The following TEX46 variants were observed in gnomAD, a reference collection of about 807,000 sequenced individuals.
TEX46 encodes testis expressed 46, also known as testis-expressed protein 46.
Under a neutral mutation model 5.3 loss-of-function variants are expected in TEX46, and 6 were observed. The ratio of observed to expected loss-of-function variants is 1.13; its 90% CI spans 0.62 to 2.23. The LOEUF (loss-of-function observed/expected upper bound fraction) is 2.23. Among genes scored for constraint, TEX46 ranks in the 30% most tolerant of loss-of-function variants. The probability of loss-of-function intolerance (pLI) is 0.00; values close to 1 mark genes in which losing one functional copy is unlikely to be tolerated. For missense variants in TEX46, 131 were observed against 150.9 expected (o/e 0.87, Z 0.69); for synonymous variants, 41 against 54.6 (o/e 0.75, Z 1.10).
At position 23,013,931 on chromosome 1, in the gene TEX46, G is replaced by T; in HGVS notation, c.117C>A (p.Asn39Lys). 6.5e-7 allele frequency: 1 copy of T among 1,536,116 alleles called. No individual in the cohort carries two copies. The highest frequency in any genetic ancestry group is 8.7e-7 in the Non-Finnish European group (1 of 1,146,896). Reference sequence around the variant, plus strand: ...GCTTGTGTTCATACTTGACCAACCAGTTGCTAAGCAACAGCAGAAGGAATA... The same window carrying T: ...GCTTGTGTTCATACTTGACCAACCATTTGCTAAGCAACAGCAGAAGGAATA... ...GFLFLLLLLS[N>K]WLVKYEHKLT... The change falls in exon 2 of 3, where the codon AAC becomes AAA. Residue 39 changes from asparagine (N) to lysine (K), a missense_variant. Transcript: ENST00000566855.
chr1:23,012,463 TATC>T (rs1641364834), intron 2 of TEX46, among the ~76,000 whole-genome samples: 1 of 151,584 alleles, frequency 6.6e-6, no homozygotes, highest in Non-Finnish European at 1.5e-5. Flanking sequence ...AGAAATAAAA[TATC>T]ATAAATATAA....
chr1:23,015,200 A>G (rs1277331229), intron 1 of TEX46, among the ~76,000 whole-genome samples: 1 of 149,112 alleles, frequency 6.7e-6, no homozygotes, highest in Non-Finnish European at 1.5e-5. Context: ...CTGTAATCCC[A>G]GCACTTTGGG....
chr1:23,012,167 T>C (rs1052256903), intron 2 of TEX46, among the ~76,000 whole-genome samples: 2 of 151,746 alleles, frequency 1.3e-5, no homozygotes, highest in African/African-American at 4.8e-5. Context: ...CTGGGAAACA[T>C]GGTAAAATCC....
At chr1:23,014,195 CAATAAT>C (rs1249667549) in intron 1 of TEX46, 150 bp from the exon 2 acceptor site, 2 of 1,362,490 alleles carry the variant, frequency 1.5e-6, no homozygotes, top group Non-Finnish European at 1.9e-6. Flanking sequence ...TGCCGCATAA[CAATAAT>C]AATAACTCCT....
chr1:23,015,657 C>T, intron 1 of TEX46, 115 bp downstream of exon 1: 1 of 632,622 alleles, frequency 1.6e-6, no homozygotes, highest in South Asian at 1.9e-5. Flanking sequence ...TATTACCAGC[C>T]TTAAAAAGGA....
intron 1 of TEX46, among the ~76,000 whole-genome samples, chr1:23,015,305 G>A (rs555181032): frequency 2.1e-4 from 32 of 151,288 alleles, no homozygotes; most frequent in African/African-American, 5.6e-4. Context: ...GCGTGGTTGC[G>A]GGCGCCTGTC....
intron 2 of TEX46, among the ~76,000 whole-genome samples, chr1:23,013,051 G>T (rs1331164115): frequency 2.6e-5 from 4 of 151,882 alleles, no homozygotes; most frequent in African/African-American, 9.7e-5. Flanking sequence ...TTTTTTTAGA[G>T]ATGGGGTTTC....
chr1:23,015,835 G>A lies in TEX46; in HGVS notation c.-62C>T, dbSNP rs75607201. 8,913 of 677,580 alleles carry A rather than the reference G, an allele frequency of 0.013. 575 individuals are homozygous for A. The African/African-American group carries it at 0.14, about 10-fold the overall frequency. The allele number at this position is 677,580 out of a possible 1,614,324, so 42.0% of individuals were successfully genotyped here. On this transcript the variant is annotated 5_prime_UTR_variant, in exon 1 of 3. Coordinates refer to ENST00000566855, the MANE Select transcript of TEX46 (RefSeq NM_001242521.2). ...AGTAGAATGGTGGCTGCCAGGGTCT[G>A]GAAGGAGGGGCAAATGTAGTCATTG...
chr1:23,015,839 G>T lies in TEX46; in HGVS notation c.-66C>A. 3.0e-6 allele frequency: 2 copies of T among 676,178 alleles called. No individual in the cohort carries two copies. The highest frequency in any genetic ancestry group is 5.3e-6 in the Non-Finnish European group (2 of 375,498). 41.9% of individuals were successfully genotyped at this position (676,178 alleles called of 1,614,324 possible). On this transcript the variant is annotated 5_prime_UTR_variant, in exon 1 of 3. Coordinates refer to ENST00000566855, the MANE Select transcript of TEX46 (RefSeq NM_001242521.2). ...GAATGGTGGCTGCCAGGGTCTGGAA[G>T]GAGGGGCAAATGTAGTCATTGTTTA... is the stretch of plus-strand genomic sequence containing the variant.
intron 2 of TEX46, among the ~76,000 whole-genome samples, 166 bp downstream of exon 2, chr1:23,013,717 T>C (rs1486447125): frequency 2.6e-5 from 4 of 152,160 alleles, no homozygotes; most frequent in African/African-American, 9.7e-5. Flanking sequence ...GGAAGTGATT[T>C]ACCCAGCACC....
Position 23,015,841 on chromosome 1 carries a change from A to G in TEX46, c.-68T>C. On this transcript the variant is annotated 5_prime_UTR_variant, in exon 1 of 3. Coordinates refer to ENST00000566855, the MANE Select transcript of TEX46 (RefSeq NM_001242521.2). Reference sequence around the variant, plus strand: ...ATGGTGGCTGCCAGGGTCTGGAAGGAGGGGCAAATGTAGTCATTGTTTAAT... The same window carrying G: ...ATGGTGGCTGCCAGGGTCTGGAAGGGGGGGCAAATGTAGTCATTGTTTAAT... 1.5e-6 allele frequency: 1 copy of G among 675,322 alleles called. No individual in the cohort carries two copies. The highest frequency in any genetic ancestry group is 2.3e-5 in the Admixed American group (1 of 42,810). 41.8% of individuals were successfully genotyped at this position (675,322 alleles called of 1,614,324 possible). A position where few individuals can be genotyped will look rare whatever the true frequency, so the allele number is the denominator to read the frequency against.
rs1419909324 is a variant in TEX46, at chr1:23,015,846, C to T, written c.-73G>A. On this transcript the variant is annotated 5_prime_UTR_variant, in exon 1 of 3. Transcript: ENST00000566855. ...GGCTGCCAGGGTCTGGAAGGAGGGG[C>T]AAATGTAGTCATTGTTTAATGTATA... 4.5e-6 allele frequency: 3 copies of T among 664,690 alleles called. No homozygotes were observed. Among genetic ancestry groups the T allele is most frequent in the Non-Finnish European group, 5.4e-6 (2 of 370,954 alleles). 41.2% of individuals were successfully genotyped at this position (664,690 alleles called of 1,614,324 possible). A position where few individuals can be genotyped will look rare whatever the true frequency, so the allele number is the denominator to read the frequency against.
intron 1 of TEX46, 175 bp from the exon 2 acceptor site, chr1:23,014,220 T>C (rs1173287944): frequency 8.3e-7 from 1 of 1,202,878 alleles, no homozygotes; most frequent in African/African-American, 1.6e-5. Context: ...CTCCTTTGTC[T>C]GAAGCACCCA....
chr1:23,012,741 C>CA (rs1557468663), intron 2 of TEX46, among the ~76,000 whole-genome samples: 1 of 152,202 alleles, frequency 6.6e-6, no homozygotes, highest in African/African-American at 2.4e-5. Context: ...GCACAGGTGA[C>CA]AGGTGAGCCT....
rs943707251 is a variant in TEX46, at chr1:23,010,923, C to T, written c.344G>A (p.Cys115Tyr). The change falls in exon 3 of 3, where the codon TGT (cysteine) becomes TAT (tyrosine). Residue 115 changes from cysteine (C) to tyrosine (Y), a missense_variant. Transcript: ENST00000566855. Reference sequence around the variant, plus strand: ...TCATTAGCTGGGGGAACTCGAAGTACAGTCAGACAGGGTGGGGCAAATTGA... The same window carrying T: ...TCATTAGCTGGGGGAACTCGAAGTATAGTCAGACAGGGTGGGGCAAATTGA... ...HESICPTLSDCTSSSPS is the reference protein window; with the variant it reads ...HESICPTLSDYTSSSPS The T allele has an allele frequency of 1.3e-6, 2 of 1,528,782 alleles. No individual in the cohort carries two copies. Among genetic ancestry groups the T allele is most frequent in the Non-Finnish European group, 1.8e-6 (2 of 1,140,702 alleles). The allele number at this position is 1,528,782 out of a possible 1,614,324, so 94.7% of individuals were successfully genotyped here.
chr1:23,013,700 C>T (rs901662361), intron 2 of TEX46, among the ~76,000 whole-genome samples, 183 bp downstream of exon 2: 24 of 152,046 alleles, frequency 1.6e-4, no homozygotes, highest in South Asian at 1.0e-3. Context: ...ACTGAGGCCT[C>T]GTGGAGGGAA....
At chr1:23,014,735 TA>T (rs1641396973) in intron 1 of TEX46, among the ~76,000 whole-genome samples, 1 of 151,994 alleles carries the variant, frequency 6.6e-6, no homozygotes, top group Admixed American at 6.6e-5. Context: ...AAAAAAAAAT[TA>T]TTTTTTTAGA....
intron 2 of TEX46, 123 bp from the exon 3 acceptor site, chr1:23,011,224 A>G (rs550496534): frequency 1.6e-5 from 11 of 677,556 alleles, no homozygotes; most frequent in African/African-American, 3.6e-5. Flanking sequence ...CAGCACCAGG[A>G]AAAGGGGAAA....
intron 1 of TEX46, among the ~76,000 whole-genome samples, chr1:23,015,309 G>A (rs1232549273): frequency 2.6e-5 from 4 of 151,404 alleles, no homozygotes; most frequent in African/African-American, 7.3e-5. Flanking sequence ...GGTTGCGGGC[G>A]CCTGTCATCT....
Sources: allele counts gnomAD v4.1 joint callset (sites outside exome capture counted in the v4.1 genomes callset), GRCh38; gene constraint gnomAD v4.1.1; transcripts MANE v1.5; gene names NCBI Gene and HGNC (gene_info 2026-07-23, HGNC 2026-07-21).